The following LRRCC1 variants were observed in gnomAD, a reference collection of about 807,000 sequenced individuals.
LRRCC1 encodes the protein leucine rich repeat and coiled-coil centrosomal protein 1.
A neutral mutation model predicts 126.0 loss-of-function variants in LRRCC1; 115 were observed. The ratio of observed to expected loss-of-function variants is 0.91; its 90% CI spans 0.78 to 1.07. The LOEUF is 1.07. Ranked by LOEUF, LRRCC1 falls within the 50% of genes least tolerant of loss-of-function variation. LRRCC1 has a pLI of 0.00. For missense variants in LRRCC1, 1,172 were observed against 1,175.7 expected (o/e 1.00, Z 0.05); for synonymous variants, 400 against 393.4 (o/e 1.02, Z -0.20).
Position 85,112,983 on chromosome 8 carries a change from A to G in LRRCC1, c.428A>G (p.His143Arg), listed in dbSNP as rs199512806. ...IKHKLRYIDLHSNRIDSIHHL... is the reference protein window; with the variant it reads ...IKHKLRYIDLRSNRIDSIHHL... ...CATAAACTTAGATATATTGATCTAC[A>G]TAGTAATCGTATAGATAGTATCCAT... is the stretch of plus-strand genomic sequence containing the variant. Residue 143 changes from histidine to arginine, a missense_variant, in exon 4 of 19, where the codon CAT (histidine) becomes CGT (arginine). Coordinates refer to ENST00000360375, the MANE Select transcript of LRRCC1 (RefSeq NM_033402.5). 1 of 1,601,134 alleles carries G rather than the reference A, an allele frequency of 6.2e-7. No homozygotes were observed. The highest frequency in any genetic ancestry group is 8.5e-7 in the Non-Finnish European group (1 of 1,171,612).
At chr8:85,143,585 G>C (rs1811419411) in intron 18 of LRRCC1, among the ~76,000 whole-genome samples, 1 of 152,130 alleles carries the variant, frequency 6.6e-6, no homozygotes, top group Non-Finnish European at 1.5e-5. Context: ...ACTATGGTGA[G>C]CTGTGATCAT....
At position 85,123,467 on chromosome 8, in the gene LRRCC1, A is replaced by G; in HGVS notation, c.985A>G (p.Thr329Ala). The change falls in exon 7 of 19, where the codon ACA becomes GCA. Residue 329 changes from threonine (T) to alanine (A), a missense_variant. Transcript: ENST00000360375. ...LEKDPRPKRD[T>A]DITSESDYGN... ...GAAAGACCCCAGACCAAAAAGAGAC[A>G]CAGATATAACTTCTGAAAGTGACTA... The G allele has an allele frequency of 6.2e-7, 1 of 1,607,702 alleles. No individual in the cohort carries two copies.
At chr8:85,124,084 A>G (rs895089131) in intron 7 of LRRCC1, among the ~76,000 whole-genome samples, 5 of 152,278 alleles carry the variant, frequency 3.3e-5, no homozygotes, top group African/African-American at 1.2e-4. Context: ...TGAGTTTAGG[A>G]TTAAATGTGA....
At chr8:85,108,573 A>G (rs1204192331) in intron 1 of LRRCC1, 1 of 152,212 alleles carries the variant, frequency 6.6e-6, no homozygotes, top group African/African-American at 2.4e-5. Flanking sequence ...AAAGTAAATG[A>G]CTGTCATTAA....
At chr8:85,139,159 A>T (rs7829050) in intron 17 of LRRCC1, among the ~76,000 whole-genome samples, 92,478 of 152,052 alleles carry the variant, frequency 0.61, 29,193 homozygotes, top group Non-Finnish European at 0.68. Flanking sequence ...TGAAAGTGGA[A>T]TTTAGAGGAG....
At chr8:85,110,260 G>T in intron 3 of LRRCC1, 80 bp downstream of exon 3, 1 of 569,254 alleles carries the variant, frequency 1.8e-6, no homozygotes, top group Non-Finnish European at 3.0e-6. Flanking sequence ...TAAACATGTT[G>T]GAAATCTCTG....
At chr8:85,145,065 G>A (rs1811572000) in intron 18 of LRRCC1, among the ~76,000 whole-genome samples, 1 of 149,096 alleles carries the variant, frequency 6.7e-6, no homozygotes, top group Non-Finnish European at 1.5e-5. Flanking sequence ...GGGCGACAGA[G>A]CAAGACTCCA....
At position 85,129,156 on chromosome 8, in the gene LRRCC1, C is replaced by T. The variant is rs1810244393; in HGVS notation, c.1422-19C>T. ...TATATGTGTAATATACTTAACACCACATATAACTTCTGCTTTAGGCTAAAG... is the reference window on the plus strand; with the variant it reads ...TATATGTGTAATATACTTAACACCATATATAACTTCTGCTTTAGGCTAAAG... On this transcript the variant is annotated intron_variant, in intron 9 of 18. Coordinates refer to ENST00000360375, the MANE Select transcript of LRRCC1 (RefSeq NM_033402.5). 6.5e-7 allele frequency: 1 copy of T among 1,538,402 alleles called. No homozygotes were observed. The highest frequency in any genetic ancestry group is 2.2e-5 in the East Asian group (1 of 44,480).
At position 85,138,104 on chromosome 8, in the gene LRRCC1, C is replaced by T. The variant is rs1329730579; in HGVS notation, c.2563C>T (p.Gln855Ter). ...GATCACAGAAATAGAAAAATGCACT[C>T]AAGAACAACTTGATGAAAAATCTTC... ...EKITEIEKCT[Q>*]EQLDEKSSQL... Residue 855 changes from glutamine to a stop codon, truncating the protein, a stop_gained, in exon 16 of 19, where the codon CAA becomes TAA. Coordinates refer to ENST00000360375, the MANE Select transcript of LRRCC1 (RefSeq NM_033402.5). LOFTEE classifies it high-confidence loss of function. 1 of 1,605,166 alleles carries T rather than the reference C, an allele frequency of 6.2e-7. No homozygotes were observed. Among genetic ancestry groups the T allele is most frequent in the East Asian group, 2.2e-5 (1 of 44,692 alleles).
At chr8:85,120,988 T>A (rs762790999) in intron 6 of LRRCC1, among the ~76,000 whole-genome samples, 8 of 152,236 alleles carry the variant, frequency 5.3e-5, no homozygotes, top group Non-Finnish European at 1.2e-4. Context: ...TGCTGGGTCA[T>A]ATGTTTAACC....
In LRRCC1 at chr8:85,115,445, C is replaced by T; in HGVS notation, c.791C>T (p.Thr264Ile). 1 of 1,613,448 alleles carries T rather than the reference C, an allele frequency of 6.2e-7. No homozygotes were observed. Among genetic ancestry groups the T allele is most frequent in the Non-Finnish European group, 8.5e-7 (1 of 1,179,452 alleles). ...ELVPLEQFASTPSDAVLTSFM... is the reference protein window; with the variant it reads ...ELVPLEQFASIPSDAVLTSFM... ...GTTCCCTTGGAACAGTTTGCAAGTA[C>T]ACCAAGTGATGCTGTGTTGACGTCT... Residue 264 changes from threonine to isoleucine, a missense_variant, in exon 6 of 19, where the codon ACA becomes ATA. By Grantham distance (89) the Thr-to-Ile change is moderately conservative. Transcript: ENST00000360375.
intron 6 of LRRCC1, among the ~76,000 whole-genome samples, chr8:85,118,754 T>C (rs1337269345): frequency 1.3e-5 from 2 of 152,170 alleles, no homozygotes; most frequent in African/African-American, 2.4e-5. Context: ...TTGTATATGC[T>C]AGACACCAGT....
Position 85,145,578 on chromosome 8 carries a change from A to G in LRRCC1, c.*67A>G. On this transcript the variant is annotated 3_prime_UTR_variant, in exon 19 of 19. Coordinates refer to ENST00000360375, the MANE Select transcript of LRRCC1 (RefSeq NM_033402.5). Reference sequence around the variant, plus strand: ...TATTGTAAAAATGATTAAATATTGTAATAGTAGTAACTGCTATGACTTTGA... The same window carrying G: ...TATTGTAAAAATGATTAAATATTGTGATAGTAGTAACTGCTATGACTTTGA... The G allele has an allele frequency of 6.8e-6, 9 of 1,330,486 alleles. No homozygotes were observed. The highest frequency in any genetic ancestry group is 9.2e-6 in the Non-Finnish European group (9 of 980,860). The allele number at this position is 1,330,486 out of a possible 1,614,324, so 82.4% of individuals were successfully genotyped here. A position where few individuals can be genotyped will look rare whatever the true frequency, so the allele number is the denominator to read the frequency against.
At position 85,137,539 on chromosome 8, in the gene LRRCC1, G is replaced by A. The variant is rs779167117; in HGVS notation, c.2405G>A (p.Arg802Gln). ...ESLSRENECL[R>Q]KTNESDSDAL... is the part of the protein sequence containing the mutation. The stretch of plus-strand genomic sequence containing the variant: ...TTATCTAGAGAGAATGAATGTCTGC[G>A]AAAGACAAATGAAAGTGATAGTGAT... The change falls in exon 15 of 19, where the codon CGA (arginine) becomes CAA (glutamine). Residue 802 changes from arginine (R) to glutamine (Q), a missense_variant. Transcript: ENST00000360375. 10 of 1,565,404 alleles carry A rather than the reference G, an allele frequency of 6.4e-6. No individual in the cohort carries two copies. Among genetic ancestry groups the A allele is most frequent in the African/African-American group, 4.1e-5 (3 of 72,298 alleles).
intron 4 of LRRCC1, among the ~76,000 whole-genome samples, chr8:85,114,441 C>G (rs972973049): frequency 3.3e-5 from 5 of 151,924 alleles, no homozygotes; most frequent in Non-Finnish European, 7.4e-5. Context: ...GGAATTCTTC[C>G]AACCACTTTG....
chr8:85,134,753 T>C, intron 12 of LRRCC1, 94 bp from the exon 13 acceptor site: 2 of 754,534 alleles, frequency 2.7e-6, no homozygotes, highest in Non-Finnish European at 4.1e-6. Context: ...CTTTAAATCT[T>C]ATTCTTTTGC....
intron 8 of LRRCC1, 55 bp downstream of exon 8, chr8:85,124,994 C>T (rs1809862680): frequency 7.6e-7 from 1 of 1,308,774 alleles, no homozygotes; most frequent in African/African-American, 1.5e-5. Flanking sequence ...AATACAGAGT[C>T]CCAGAAAAAT....
In LRRCC1 at chr8:85,138,116, G is replaced by C; in HGVS notation, c.2575G>C (p.Asp859His). 7 of 1,607,646 alleles carry C rather than the reference G, an allele frequency of 4.4e-6. No homozygotes were observed. Among genetic ancestry groups the C allele is most frequent in the Non-Finnish European group, 6.0e-6 (7 of 1,176,450 alleles). ...AGAAAAATGCACTCAAGAACAACTT[G>C]ATGAAAAATCTTCACAACTGGATGA... ...EIEKCTQEQL[D>H]EKSSQLDEVL... Residue 859 changes from aspartate (D) to histidine (H), a missense_variant, in exon 16 of 19, where the codon GAT (aspartate) becomes CAT (histidine). Physicochemically the swap from Asp to His is moderately conservative, Grantham distance 81 (BLOSUM62 -1). Coordinates refer to ENST00000360375, the MANE Select transcript of LRRCC1 (RefSeq NM_033402.5).
chr8:85,132,072 A>G, intron 12 of LRRCC1, 111 bp downstream of exon 12: 11 of 848,540 alleles, frequency 1.3e-5, no homozygotes, highest in Non-Finnish European at 2.0e-5. Flanking sequence ...TCATAATCTT[A>G]AGTAAAATAT....
Sources: allele counts gnomAD v4.1 joint callset (sites outside exome capture counted in the v4.1 genomes callset), GRCh38; gene constraint gnomAD v4.1.1; transcripts MANE v1.5; gene names NCBI Gene and HGNC (gene_info 2026-07-23, HGNC 2026-07-21).